Variants in PI4KA observed in about 807,000 individuals in gnomAD.
The protein encoded by PI4KA is PI4-kinase alpha.
PI4KA carries 122 observed loss-of-function variants against 271.4 expected under a neutral mutation model. That is an observed-to-expected ratio of 0.45 (90% CI 0.39 to 0.52). The LOEUF (loss-of-function observed/expected upper bound fraction) is 0.52, where lower values mean the gene tolerates loss of function less well. PI4KA is among the 20% of genes least tolerant of loss of function. The pLI is 0.00. For missense variants in PI4KA, 1,969 were observed against 2,769.1 expected, an observed-to-expected ratio of 0.71 and a Z score of 6.48; for synonymous variants, 1,041 against 1,078.8, an observed-to-expected ratio of 0.96 and a Z score of 0.69.
intron 29 of PI4KA, among the ~76,000 whole-genome samples, chr22:20,744,996 G>C (rs1324167358): frequency 6.6e-6 from 1 of 152,162 alleles, no homozygotes; most frequent in African/African-American, 2.4e-5. Flanking sequence ...TAGATTGTGA[G>C]AGCAATGTCA....
intron 8 of PI4KA, among the ~76,000 whole-genome samples, chr22:20,812,956 A>C (rs1921262114): frequency 6.6e-6 from 1 of 152,170 alleles, no homozygotes; most frequent in African/African-American, 2.4e-5. Context: ...AGGTACCCAA[A>C]TATGAAAAAG....
In PI4KA at chr22:20,756,003, T is replaced by G. The variant is rs369331967; in HGVS notation, c.2792-2823A>C. Reference sequence around the variant, plus strand: ...AGAGACAAGGCAGGTGCTATCAGCTTGGCACCTCACACCCAGCATGAAGCC... The same window carrying G: ...AGAGACAAGGCAGGTGCTATCAGCTGGGCACCTCACACCCAGCATGAAGCC... On this transcript the variant is annotated intron_variant, in intron 23 of 54. Coordinates refer to ENST00000255882, the MANE Select transcript of PI4KA (RefSeq NM_058004.4). Among the ~76,000 whole-genome samples the G allele has an allele frequency of 3.2e-4, 48 of 152,158 alleles. No homozygotes were observed. The South Asian group carries it at 9.3e-3, about 30-fold the overall frequency.
intron 28 of PI4KA, among the ~76,000 whole-genome samples, chr22:20,748,514 G>A (rs1006797132): frequency 4.6e-5 from 7 of 152,210 alleles, no homozygotes; most frequent in African/African-American, 1.7e-4. Context: ...CAGAGCCCAG[G>A]GGTGTGAGGG....
rs1251874890 is a variant in PI4KA, at chr22:20,729,696, G to A, written c.4424C>T (p.Thr1475Ile). 2 of 1,592,266 alleles carry A rather than the reference G, an allele frequency of 1.3e-6. No homozygotes were observed. Among genetic ancestry groups the A allele is most frequent in the Non-Finnish European group, 1.7e-6 (2 of 1,167,654 alleles). Residue 1475 changes from threonine (T) to isoleucine (I), a missense_variant, in exon 38 of 55, where the codon ACC becomes ATC. By Grantham distance (89) the Thr-to-Ile change is moderately conservative (BLOSUM62 -1). This residue lies in a region of PI4KA where 388 missense variants were observed against 521.5 expected (regional missense o/e 0.74). Transcript: ENST00000255882. ...TTTGTGCAGCTGGGAGCCCCGGTTGGTTTTCTTAGACATGCCTAGGAGGAA... is the reference window on the plus strand; with the variant it reads ...TTTGTGCAGCTGGGAGCCCCGGTTGATTTTCTTAGACATGCCTAGGAGGAA... ...ISKKSGMSKKTNRGSQLHKYY... is the reference protein window; with the variant it reads ...ISKKSGMSKKINRGSQLHKYY...
chr22:20,819,862 T>C lies in PI4KA; in HGVS notation c.568A>G (p.Ile190Val), dbSNP rs983908539. The change falls in exon 6 of 55, where the codon ATC (isoleucine) becomes GTC (valine). Residue 190 changes from isoleucine to valine, a missense_variant. Around this residue, in one of 13 missense-constraint regions of PI4KA, gnomAD observed 540 missense variants for 555.5 expected, o/e 0.97. Transcript: ENST00000255882. Reference protein sequence around the residue: ...CKYAIPCLIGISRAFGRYSNM... With the variant: ...CKYAIPCLIGVSRAFGRYSNM... The stretch of plus-strand genomic sequence containing the variant: ...CTGTAACGCCCAAATGCTCGCGAGA[T>C]TCCTATCAGGCATGGGATAGCATAC... The C allele has an allele frequency of 1.9e-6, 3 of 1,613,572 alleles. No homozygotes were observed. The highest frequency in any genetic ancestry group is 2.5e-6 in the Non-Finnish European group (3 of 1,179,482).
At chr22:20,733,678 A>G in intron 35 of PI4KA, 58 bp downstream of exon 35, 1 of 1,613,488 alleles carries the variant, frequency 6.2e-7, no homozygotes, top group South Asian at 1.1e-5. Context: ...GGGGCGATGG[A>G]GCACTTGGAG....
intron 17 of PI4KA, among the ~76,000 whole-genome samples, chr22:20,797,062 CG>C (rs1935030960): frequency 6.6e-6 from 1 of 152,184 alleles, no homozygotes; most frequent in Non-Finnish European, 1.5e-5. Context: ...CGTAGGATCA[CG>C]GGAAGAGTGA....
chr22:20,799,000 G>A, intron 16 of PI4KA, 93 bp downstream of exon 16: 1 of 1,020,940 alleles, frequency 9.8e-7, no homozygotes, highest in South Asian at 1.6e-5. Flanking sequence ...CATCTGCAAG[G>A]TATATTTAAT....
chr22:20,796,200 C>T lies in PI4KA; in HGVS notation c.2223G>A (p.Gly741=). The T allele has an allele frequency of 6.2e-7, 1 of 1,614,092 alleles. No homozygotes were observed. The highest frequency in any genetic ancestry group is 8.5e-7 in the Non-Finnish European group (1 of 1,179,976). The change falls in exon 18 of 55, where the codon GGG becomes GGA. Residue 741 remains glycine, a synonymous_variant. Transcript: ENST00000255882. Reference sequence around the variant, plus strand: ...TCTCGCTGGCTCGCTTCCCCTCCAGCCCCAGCTGCACAAACAACTCCAACA... The same window carrying T: ...TCTCGCTGGCTCGCTTCCCCTCCAGTCCCAGCTGCACAAACAACTCCAACA... The part of the protein sequence containing the change: ...MNLLELFVQL[G]LEGKRASERA...
intron 19 of PI4KA, among the ~76,000 whole-genome samples, chr22:20,767,301 G>A (rs1286178809): frequency 1.3e-5 from 2 of 152,036 alleles, no homozygotes; most frequent in Non-Finnish European, 2.9e-5. Flanking sequence ...AACATTAGCC[G>A]GGCGTGGTGG....
chr22:20,765,738 G>GGTTTCCTCAGC, intron 19 of PI4KA, 45 bp from the exon 20 acceptor site: 18 of 1,271,388 alleles, frequency 1.4e-5, no homozygotes, highest in Non-Finnish European at 1.8e-5. Context: ...ATTTGCTGAG[G>GGTTTCCTCAGC]AAACCCTAAG....
chr22:20,720,512 A>G (rs1167268418), intron 43 of PI4KA, among the ~76,000 whole-genome samples: 2 of 152,206 alleles, frequency 1.3e-5, no homozygotes, highest in Non-Finnish European at 2.9e-5. Flanking sequence ...TGATTGCGCC[A>G]CTGCATTCCT....
chr22:20,783,884 C>A (rs1933992709), intron 19 of PI4KA: 1 of 1,583,902 alleles, frequency 6.3e-7, no homozygotes, highest in African/African-American at 1.3e-5. Flanking sequence ...TGAATGAGGC[C>A]TCCAGGGAAA....
intron 35 of PI4KA, among the ~76,000 whole-genome samples, 200 bp downstream of exon 35, chr22:20,733,536 G>C (rs1298475355): frequency 4.0e-5 from 6 of 150,118 alleles, no homozygotes; most frequent in Non-Finnish European, 8.9e-5. Context: ...TGGGAGGCTA[G>C]CTCTAAGTAC....
intron 19 of PI4KA, chr22:20,779,613 G>A (rs1241169976): frequency 1.9e-6 from 3 of 1,614,238 alleles, no homozygotes; most frequent in Admixed American, 3.3e-5. Flanking sequence ...CAGTCTGTCA[G>A]TTTCCCCGAC....
intron 31 of PI4KA, 109 bp downstream of exon 31, chr22:20,742,499 G>A (rs919354246): frequency 1.0e-5 from 16 of 1,540,668 alleles, no homozygotes; most frequent in Non-Finnish European, 1.4e-5. Context: ...TCCTCTACTG[G>A]GGGAGCTCCT....
At chr22:20,753,265 T>C in intron 23 of PI4KA, 85 bp from the exon 24 acceptor site, 1 of 1,311,566 alleles carries the variant, frequency 7.6e-7, no homozygotes, top group South Asian at 1.2e-5. Flanking sequence ...TTGAAATGAT[T>C]TTAGACTTAC....
intron 42 of PI4KA, among the ~76,000 whole-genome samples, chr22:20,723,122 G>A (rs1013432307): frequency 1.7e-4 from 26 of 151,240 alleles, no homozygotes; most frequent in Admixed American, 1.6e-3. Flanking sequence ...CCGGGTTCAC[G>A]CCATTCTCCT....
chr22:20,723,233 G>A (rs1313322947), intron 42 of PI4KA, among the ~76,000 whole-genome samples: 9 of 151,552 alleles, frequency 5.9e-5, no homozygotes, highest in Admixed American at 2.6e-4. Flanking sequence ...TGTTAGCCAG[G>A]ATGGTCTCGA....
Sources: allele counts gnomAD v4.1 joint callset (sites outside exome capture counted in the v4.1 genomes callset), GRCh38; gene constraint gnomAD v4.1.1; regional missense constraint gnomAD v4.1.1; transcripts MANE v1.5; gene names NCBI Gene and HGNC (gene_info 2026-07-23, HGNC 2026-07-21).